The following RPS6KA4 variants were observed in gnomAD, a reference collection of about 807,000 sequenced individuals.
RPS6KA4 encodes ribosomal protein S6 kinase alpha-4.
A neutral mutation model predicts 89.6 loss-of-function variants in RPS6KA4; 38 were observed. The ratio of observed to expected loss-of-function variants is 0.42; its 90% CI spans 0.33 to 0.56. The LOEUF (loss-of-function observed/expected upper bound fraction) is 0.56, where lower values mean the gene tolerates loss of function less well. Among genes scored for constraint, RPS6KA4 ranks in the 20% least tolerant of loss-of-function variants. The probability of loss-of-function intolerance (pLI) is 0.07; values close to 1 mark genes in which losing one functional copy is unlikely to be tolerated. For missense variants in RPS6KA4, 873 were observed against 1,098.8 expected (o/e 0.79, Z 2.90); for synonymous variants, 495 against 492.8 (o/e 1.00, Z -0.06).
Position 64,370,716 on chromosome 11 carries a change from C to G in RPS6KA4, c.2111C>G (p.Ala704Gly). The stretch of plus-strand genomic sequence containing the variant: ...CCCGCAGTGCGCTCGGGTCTCAACG[C>G]CACCTTCATGGTAAGGGGCAGGGTC... ...SGPAVRSGLN[A>G]TFMAFNRGKR... The change falls in exon 16 of 17, where the codon GCC (alanine) becomes GGC (glycine). Residue 704 changes from alanine to glycine, a missense_variant. Transcript: ENST00000334205. The surrounding 1 kb of genome is among the most constrained non-coding windows in gnomAD (Gnocchi z 4.1). 1 of 1,553,376 alleles carries G rather than the reference C, an allele frequency of 6.4e-7. No homozygotes were observed. Among genetic ancestry groups the G allele is most frequent in the Non-Finnish European group, 8.7e-7 (1 of 1,152,480 alleles).
In RPS6KA4 at chr11:64,361,402, G is replaced by A; in HGVS notation, c.571-67G>A. 3 of 1,568,410 alleles carry A rather than the reference G, an allele frequency of 1.9e-6. No homozygotes were observed. Among genetic ancestry groups the A allele is most frequent in the Non-Finnish European group, 2.6e-6 (3 of 1,141,476 alleles). On this transcript the variant is annotated intron_variant, in intron 5 of 16. Transcript: ENST00000334205. The surrounding 1 kb of genome is among the most constrained non-coding windows in gnomAD (Gnocchi z 4.7). ...TCACAAGTTGAGCGAGTCTTACTCT[G>A]GGCCTTGTGGGGCACTGGGGCACAG...
chr11:64,364,442 G>A (rs1164125495), intron 8 of RPS6KA4, among the ~76,000 whole-genome samples: 1 of 152,126 alleles, frequency 6.6e-6, no homozygotes, highest in Non-Finnish European at 1.5e-5. Flanking sequence ...ATAAAACTGG[G>A]GCTATGGTAC....
At chr11:64,369,360 CG>C (rs1463969964) in intron 12 of RPS6KA4, 85 bp from the exon 13 acceptor site, 1 of 1,404,372 alleles carries the variant, frequency 7.1e-7, no homozygotes, top group Non-Finnish European at 9.4e-7. Flanking sequence ...TGGCAGGGCC[CG>C]AAGGCCGGGG....
rs544857350 is a variant in RPS6KA4 at position 64,366,372 on chromosome 11, T to C, written c.1071+907T>C. Among the ~76,000 whole-genome samples, 14 of 152,272 alleles carry C rather than the reference T, an allele frequency of 9.2e-5. No individual in the cohort carries two copies. In the South Asian group the frequency reaches 2.9e-3, roughly 32 times the overall value. ...TTTCAGTAGAGATGGGGTTTCACCA[T>C]GTTGGCCTGGATGGTCTCAATCTCT... On this transcript the variant is annotated intron_variant, in intron 9 of 16. Transcript: ENST00000334205.
intron 8 of RPS6KA4, among the ~76,000 whole-genome samples, chr11:64,364,502 C>G (rs1370331595): frequency 6.6e-6 from 1 of 152,182 alleles, no homozygotes; most frequent in Non-Finnish European, 1.5e-5. Context: ...ACAGATTCTG[C>G]CGCATTAGCT....
rs550637372 is a variant in RPS6KA4 at position 64,369,148 on chromosome 11, G to A, written c.1429-298G>A. ...TCTACGAAAAATACAAAAATTAGCC[G>A]GACGCGGTGGCGTGCGCCTGTAATC... On this transcript the variant is annotated intron_variant, in intron 12 of 16. Transcript: ENST00000334205. Among the ~76,000 whole-genome samples, 620 of 152,254 alleles carry A rather than the reference G, an allele frequency of 4.1e-3. 7 individuals carry two copies. The highest frequency in any genetic ancestry group is 0.013 in the African/African-American group (553 of 41,546).
chr11:64,368,682 C>T, intron 11 of RPS6KA4, 22 bp from the exon 12 acceptor site: 1 of 1,574,768 alleles, frequency 6.4e-7, no homozygotes, highest in Non-Finnish European at 8.6e-7. Context: ...GCGACCGTAA[C>T]TCCTTCTGCT....
rs544316031 is a variant in RPS6KA4 at position 64,371,208 on chromosome 11, G to A, written c.2122-75G>A. The A allele has an allele frequency of 6.9e-4, 1,021 of 1,474,484 alleles. 3 individuals carry two copies. The highest frequency in any genetic ancestry group is 7.7e-4 in the Non-Finnish European group (823 of 1,065,712). 91.3% of individuals were successfully genotyped at this position (1,474,484 alleles called of 1,614,324 possible). ...CCTAGGCGGCTGGAGGCAAGGTCTG[G>A]GAATGGAGGTCAAACTAGATCTGGA... On this transcript the variant is annotated intron_variant, in intron 16 of 16. Transcript: ENST00000334205.
chr11:64,368,819 A>G (rs768890101), intron 12 of RPS6KA4, 22 bp downstream of exon 12: 30 of 1,257,664 alleles, frequency 2.4e-5, no homozygotes, highest in East Asian at 3.6e-5. Flanking sequence ...CGGCCAGGGG[A>G]GGGCGGAGAG....
chr11:64,368,886 G>T, intron 12 of RPS6KA4, 89 bp downstream of exon 12: 2 of 1,237,960 alleles, frequency 1.6e-6, no homozygotes, highest in Non-Finnish European at 2.3e-6. Context: ...GGGGTGAATT[G>T]GGCGGGGCCT....
Position 64,371,692 on chromosome 11 carries a change from C to G in RPS6KA4, c.*212C>G. Reference sequence around the variant, plus strand: ...AGAGTTGCAGGGAAGGGGGGGCCTGCTGGGGAGTGGGGTTTGGGGGGCCCT... The same window carrying G: ...AGAGTTGCAGGGAAGGGGGGGCCTGGTGGGGAGTGGGGTTTGGGGGGCCCT... On this transcript the variant is annotated 3_prime_UTR_variant, in exon 17 of 17. Coordinates refer to ENST00000334205, the MANE Select transcript of RPS6KA4 (RefSeq NM_003942.3). 1 of 483,590 alleles carries G rather than the reference C, an allele frequency of 2.1e-6. No individual in the cohort carries two copies. Among genetic ancestry groups the G allele is most frequent in the Non-Finnish European group, 3.7e-6 (1 of 273,188 alleles). The allele number at this position is 483,590 out of a possible 1,614,324, so 30.0% of individuals were successfully genotyped here.
At position 64,370,828 on chromosome 11, in the gene RPS6KA4, G is replaced by T. The variant is rs1177592166; in HGVS notation, c.2121+102G>T. 3.6e-6 allele frequency: 5 copies of T among 1,370,036 alleles called. No homozygotes were observed. Among genetic ancestry groups the T allele is most frequent in the Non-Finnish European group, 4.8e-6 (5 of 1,039,986 alleles). 84.9% of individuals were successfully genotyped at this position (1,370,036 alleles called of 1,614,324 possible). ...GAGCACAGAAAGGCGAGGTGAGGCC[G>T]GGCGCGGTGGCTCACGCCTGTAATC... On this transcript the variant is annotated intron_variant, in intron 16 of 16. Transcript: ENST00000334205. This position sits in a 1 kb window ranked among gnomAD's most constrained non-coding sequence, Gnocchi z 4.1.
Position 64,371,323 on chromosome 11 carries a change from G to C in RPS6KA4, c.2162G>C (p.Ser721Thr). 1 of 1,612,944 alleles carries C rather than the reference G, an allele frequency of 6.2e-7. No individual in the cohort carries two copies. Among genetic ancestry groups the C allele is most frequent in the Non-Finnish European group, 8.5e-7 (1 of 1,179,966 alleles). ...AAGCGGGAGGGCTTCTTCCTGAAGA[G>C]CGTGGAGAATGCACCCCTGGCCAAG... is the stretch of plus-strand genomic sequence containing the variant. The part of the protein sequence containing the change: ...RGKREGFFLK[S>T]VENAPLAKRR... Residue 721 changes from serine to threonine, a missense_variant, in exon 17 of 17, where the codon AGC (serine) becomes ACC (threonine). Physicochemically the swap from Ser to Thr is moderately conservative, Grantham distance 58 (BLOSUM62 1). Around this residue, in one of 4 missense-constraint regions of RPS6KA4, gnomAD observed 278 missense variants for 284.8 expected, o/e 0.98. Coordinates refer to ENST00000334205, the MANE Select transcript of RPS6KA4 (RefSeq NM_003942.3).
intron 14 of RPS6KA4, 32 bp downstream of exon 14, chr11:64,369,925 G>T (rs1371596497): frequency 6.0e-6 from 9 of 1,494,454 alleles, no homozygotes; most frequent in Non-Finnish European, 8.0e-6. Flanking sequence ...GCGGGGTCAG[G>T]GTCGCTCGGA....
At position 64,367,699 on chromosome 11, in the gene RPS6KA4, T is replaced by G. The variant is rs534795349; in HGVS notation, c.1072-433T>G. On this transcript the variant is annotated intron_variant, in intron 9 of 16. Transcript: ENST00000334205. ...AAAGCAAAGAATTAACTCTGCCTTC[T>G]TTTTGCATTTCTTCAGTAGCTCCCC... 3.9e-5 allele frequency among the ~76,000 whole-genome samples: 6 copies of G among 152,360 alleles called. No individual in the cohort carries two copies. In the South Asian group the frequency reaches 1.2e-3, roughly 32 times the overall value.
At position 64,370,805 on chromosome 11, in the gene RPS6KA4, G is replaced by A. The variant is rs960096524; in HGVS notation, c.2121+79G>A. 7.0e-7 allele frequency: 1 copy of A among 1,429,952 alleles called. No individual in the cohort carries two copies. Among genetic ancestry groups the A allele is most frequent in the Non-Finnish European group, 9.2e-7 (1 of 1,090,236 alleles). 88.6% of individuals were successfully genotyped at this position (1,429,952 alleles called of 1,614,324 possible). A position where few individuals can be genotyped will look rare whatever the true frequency, so the allele number is the denominator to read the frequency against. On this transcript the variant is annotated intron_variant, in intron 16 of 16. Coordinates refer to ENST00000334205, the MANE Select transcript of RPS6KA4 (RefSeq NM_003942.3). The surrounding 1 kb of genome is among the most constrained non-coding windows in gnomAD (Gnocchi z 4.1). ...GGTCTGGGGAGGCCCGGCCATCGGA[G>A]CACAGAAAGGCGAGGTGAGGCCGGG...
chr11:64,372,075 C>A lies in RPS6KA4; in HGVS notation c.*595C>A, dbSNP rs577661010. The stretch of plus-strand genomic sequence containing the variant: ...AAGAGGAGGCCATCTTCTCACCCAC[C>A]CCTTCCTCTTTGGCACAGCTACTCC... On this transcript the variant is annotated 3_prime_UTR_variant, in exon 17 of 17. Transcript: ENST00000334205. The A allele has an allele frequency of 6.5e-6, 1 of 152,760 alleles. No homozygotes were observed. The highest frequency in any genetic ancestry group is 1.9e-4 in the East Asian group (1 of 5,322). 9.5% of individuals were successfully genotyped at this position (152,760 alleles called of 1,614,324 possible).
chr11:64,359,903 C>T, intron 2 of RPS6KA4: 1 of 575,952 alleles, frequency 1.7e-6, no homozygotes. Context: ...GCCCCGCCCC[C>T]ATGCCTCGCA....
At chr11:64,366,896 G>A (rs1355573985) in intron 9 of RPS6KA4, among the ~76,000 whole-genome samples, 1 of 152,108 alleles carries the variant, frequency 6.6e-6, no homozygotes, top group Non-Finnish European at 1.5e-5. Flanking sequence ...GACCAAGTAT[G>A]GCTGGATAAG....
Sources: allele counts gnomAD v4.1 joint callset (sites outside exome capture counted in the v4.1 genomes callset), GRCh38; gene constraint gnomAD v4.1.1; regional missense constraint gnomAD v4.1.1; non-coding constraint Gnocchi (gnomAD v3.1); transcripts MANE v1.5; gene names NCBI Gene and HGNC (gene_info 2026-07-23, HGNC 2026-07-21).